Variants in ABI3BP observed in about 807,000 individuals in gnomAD.
ABI3BP encodes target of Nesh-SH3.
A neutral mutation model predicts 268.6 loss-of-function variants in ABI3BP; 216 were observed. The observed-to-expected ratio is 0.80, with a 90% confidence interval of 0.72 to 0.90. The LOEUF is 0.90. ABI3BP is among the 40% of genes least tolerant of loss of function. ABI3BP has a pLI of 0.00. For synonymous variants in ABI3BP, 730 were observed against 730.0 expected, an observed-to-expected ratio of 1.00 and a Z score of 0.00; for missense variants, 2,090 against 2,182.4, an observed-to-expected ratio of 0.96 and a Z score of 0.84.
At chr3:100,820,139 C>T (rs2098176494) in intron 40 of ABI3BP, 81 bp downstream of exon 40, 3 of 1,216,220 alleles carry the variant, frequency 2.5e-6, no homozygotes, top group South Asian at 2.7e-5. Flanking sequence ...TCACACAGGC[C>T]ATCACTCCCA....
At chr3:100,993,123 A>C (rs2093210453) in intron 1 of ABI3BP, among the ~76,000 whole-genome samples, 183 bp downstream of exon 1, 1 of 152,240 alleles carries the variant, frequency 6.6e-6, no homozygotes, top group Non-Finnish European at 1.5e-5. Flanking sequence ...GCTGTAATTG[A>C]AAAGTAAATA....
intron 1 of ABI3BP, among the ~76,000 whole-genome samples, chr3:100,977,772 G>A (rs74666269): frequency 0.064 from 9,696 of 152,232 alleles, 437 homozygotes; most frequent in Non-Finnish European, 0.093. Context: ...AACAGCAGGT[G>A]AGAATAATTG....
chr3:100,804,781 A>G lies in ABI3BP; in HGVS notation c.3757+11T>C. Reference sequence around the variant, plus strand: ...AATGCATTTGGCTTAAACATGAAATAAAGCATTTACCAGGTGTGGTGTATG... The same window carrying G: ...AATGCATTTGGCTTAAACATGAAATGAAGCATTTACCAGGTGTGGTGTATG... On this transcript the variant is annotated intron_variant, in intron 51 of 67. Coordinates refer to ENST00000471714, the MANE Select transcript of ABI3BP (RefSeq NM_001375547.2). 1.9e-6 allele frequency: 3 copies of G among 1,611,886 alleles called. No homozygotes were observed. The highest frequency in any genetic ancestry group is 2.5e-6 in the Non-Finnish European group (3 of 1,178,168).
intron 14 of ABI3BP, among the ~76,000 whole-genome samples, chr3:100,861,898 G>C (rs2099003048): frequency 6.6e-6 from 1 of 152,158 alleles, no homozygotes; most frequent in African/African-American, 2.4e-5. Context: ...TCTTCACATA[G>C]TAAGCTCTTA....
chr3:100,983,125 A>G (rs947400406), intron 1 of ABI3BP, among the ~76,000 whole-genome samples: 3 of 152,234 alleles, frequency 2.0e-5, no homozygotes, highest in Non-Finnish European at 4.4e-5. Context: ...ATTGTATTTA[A>G]CGAGAAAGGA....
intron 20 of ABI3BP, among the ~76,000 whole-genome samples, chr3:100,845,844 C>A (rs1282788341): frequency 1.5e-5 from 2 of 130,512 alleles, no homozygotes; most frequent in Admixed American, 1.5e-4. Flanking sequence ...GCAAAAGCAG[C>A]CTTTTTTTTT....
At chr3:100,911,927 T>A in intron 2 of ABI3BP, 1 of 1,231,702 alleles carries the variant, frequency 8.1e-7, no homozygotes, top group Non-Finnish European at 1.2e-6. Context: ...CATTGGAGAA[T>A]ATTTTCTTCA....
chr3:100,960,970 C>T (rs1168734982), intron 1 of ABI3BP, among the ~76,000 whole-genome samples: 1 of 152,200 alleles, frequency 6.6e-6, no homozygotes. Context: ...TAGCAAAGCC[C>T]ACCCAGACTT....
At chr3:100,768,859 C>T (rs1473740586) in intron 62 of ABI3BP, among the ~76,000 whole-genome samples, 1 of 152,096 alleles carries the variant, frequency 6.6e-6, no homozygotes, top group Non-Finnish European at 1.5e-5. Context: ...TTGAAGTTGC[C>T]CAAGGATCCA....
At chr3:100,904,650 T>C (rs947851415) in intron 2 of ABI3BP, among the ~76,000 whole-genome samples, 1 of 152,194 alleles carries the variant, frequency 6.6e-6, no homozygotes, top group African/African-American at 2.4e-5. Flanking sequence ...GCAATGGCAC[T>C]TTAAGAAATA....
Position 100,908,159 on chromosome 3 carries a change from C to T in ABI3BP, c.260-5473G>A, listed in dbSNP as rs886911859. 2.0e-5 allele frequency among the ~76,000 whole-genome samples: 3 copies of T among 151,458 alleles called. No individual in the cohort carries two copies. In the South Asian group the frequency reaches 6.3e-4, roughly 32 times the overall value. On this transcript the variant is annotated intron_variant, in intron 2 of 67. Coordinates refer to ENST00000471714, the MANE Select transcript of ABI3BP (RefSeq NM_001375547.2). ...AAAGAAAAAAAAGTAAGCCTATTTCCACAGGTGCTGAAAAGTCATTTGAAA... is the reference window on the plus strand; with the variant it reads ...AAAGAAAAAAAAGTAAGCCTATTTCTACAGGTGCTGAAAAGTCATTTGAAA...
chr3:100,896,879 A>G (rs542504705), intron 4 of ABI3BP, among the ~76,000 whole-genome samples: 2 of 152,332 alleles, frequency 1.3e-5, no homozygotes, highest in South Asian at 4.1e-4. Flanking sequence ...TTTTGGAAAT[A>G]TCTTCTACAT....
intron 26 of ABI3BP, 25 bp from the exon 27 acceptor site, chr3:100,837,196 A>G (rs1035852690): frequency 5.3e-6 from 8 of 1,521,414 alleles, no homozygotes; most frequent in African/African-American, 2.8e-5. Context: ...ATAAACAGAT[A>G]TAAGTAATAA....
intron 1 of ABI3BP, among the ~76,000 whole-genome samples, chr3:100,938,194 G>T (rs989908109): frequency 2.0e-5 from 3 of 151,746 alleles, no homozygotes; most frequent in Admixed American, 6.6e-5. Flanking sequence ...TAACCATTGG[G>T]TACTAGGCTT....
At chr3:100,971,260 G>C (rs1391997175) in intron 1 of ABI3BP, among the ~76,000 whole-genome samples, 3 of 152,156 alleles carry the variant, frequency 2.0e-5, no homozygotes, top group African/African-American at 7.2e-5. Context: ...ACATAGAAAG[G>C]ATCTCATGAT....
chr3:100,811,693 G>T, intron 47 of ABI3BP, 35 bp downstream of exon 47: 1 of 1,515,456 alleles, frequency 6.6e-7, no homozygotes, highest in Non-Finnish European at 8.9e-7. Flanking sequence ...AAAATGTGTG[G>T]AATAAATGAA....
At chr3:100,828,107 G>A (rs867323537) in intron 34 of ABI3BP, among the ~76,000 whole-genome samples, 6 of 152,102 alleles carry the variant, frequency 3.9e-5, no homozygotes, top group Admixed American at 6.6e-5. Flanking sequence ...TTACAGCCTG[G>A]TTAGCGTAGA....
At chr3:100,970,267 A>G (rs968580389) in intron 1 of ABI3BP, among the ~76,000 whole-genome samples, 3 of 152,260 alleles carry the variant, frequency 2.0e-5, no homozygotes, top group African/African-American at 7.2e-5. Flanking sequence ...TTCGTACTCC[A>G]TAACAATGCT....
intron 15 of ABI3BP, among the ~76,000 whole-genome samples, chr3:100,851,096 A>G (rs1034482950): frequency 6.6e-6 from 1 of 152,140 alleles, no homozygotes; most frequent in Non-Finnish European, 1.5e-5. Flanking sequence ...TTTATTTACC[A>G]TGACACAAAT....
Sources: allele counts gnomAD v4.1 joint callset (sites outside exome capture counted in the v4.1 genomes callset), GRCh38; gene constraint gnomAD v4.1.1; transcripts MANE v1.5; gene names NCBI Gene and HGNC (gene_info 2026-07-23, HGNC 2026-07-21).